Variants in HTR1E observed in about 807,000 individuals in gnomAD.
The protein encoded by HTR1E is 5-HT-1E.
HTR1E carries 3 observed loss-of-function variants against 3.4 expected under a neutral mutation model. The observed-to-expected ratio is 0.89, with a 90% CI of 0.41 to 2.31. The LOEUF (loss-of-function observed/expected upper bound fraction) is 2.31. Among genes scored for constraint, HTR1E ranks in the 30% most tolerant of loss-of-function variants. The pLI is 0.05. For missense variants in HTR1E, 392 were observed against 467.0 expected (o/e 0.84, Z 1.48); for synonymous variants, 170 against 182.8 (o/e 0.93, Z 0.56).
chr6:86,974,131 TA>T (rs749685870), intron 1 of HTR1E, among the ~76,000 whole-genome samples: 4 of 151,990 alleles, frequency 2.6e-5, no homozygotes, highest in Non-Finnish European at 4.4e-5. Context: ...TGTATGTATA[TA>T]TTTTTTTATT....
chr6:87,015,351 G>A lies in HTR1E; in HGVS notation c.17G>A (p.Cys6Tyr). Residue 6 changes from cysteine to tyrosine, a missense_variant, in exon 2 of 2, where the codon TGT becomes TAT. This residue lies in a region of HTR1E where 189 missense variants were observed against 258.0 expected (regional missense o/e 0.73). Coordinates refer to ENST00000305344, the MANE Select transcript of HTR1E (RefSeq NM_000865.3). ...AAGGGAAACATGAACATCACAAACT[G>A]TACCACAGAGGCCAGCATGGCTATA... is the stretch of plus-strand genomic sequence containing the variant. MNITN[C>Y]TTEASMAIRP... 1 of 1,570,034 alleles carries A rather than the reference G, an allele frequency of 6.4e-7. No homozygotes were observed. Among genetic ancestry groups the A allele is most frequent in the Non-Finnish European group, 8.7e-7 (1 of 1,153,886 alleles).
intron 1 of HTR1E, among the ~76,000 whole-genome samples, chr6:86,959,670 C>G (rs1297927194): frequency 1.3e-5 from 2 of 152,272 alleles, no homozygotes; most frequent in South Asian, 2.1e-4. Flanking sequence ...GTAGGTAACA[C>G]AGAGAGTATC....
intron 1 of HTR1E, among the ~76,000 whole-genome samples, chr6:86,993,974 A>C (rs1322781690): frequency 6.6e-6 from 1 of 152,194 alleles, no homozygotes; most frequent in East Asian, 1.9e-4. Context: ...TTACAATGGA[A>C]AAAAATACAA....
At chr6:87,013,728 T>C (rs1768273502) in intron 1 of HTR1E, among the ~76,000 whole-genome samples, 1 of 152,026 alleles carries the variant, frequency 6.6e-6, no homozygotes, top group Non-Finnish European at 1.5e-5. Flanking sequence ...AAGAAATTAA[T>C]TGGGGTGGCA....
chr6:87,011,792 GATTT>G (rs1435675503), intron 1 of HTR1E, among the ~76,000 whole-genome samples: 3 of 152,014 alleles, frequency 2.0e-5, no homozygotes, highest in African/African-American at 7.3e-5. Flanking sequence ...GCCCATAGGA[GATTT>G]ATTAATAAAA....
At chr6:87,009,094 G>A (rs1768161802) in intron 1 of HTR1E, among the ~76,000 whole-genome samples, 1 of 146,082 alleles carries the variant, frequency 6.8e-6, no homozygotes, top group Non-Finnish European at 1.5e-5. Context: ...GATAATTCTT[G>A]GGTGTTTCTC....
chr6:86,954,916 T>C (rs561613881), intron 1 of HTR1E, among the ~76,000 whole-genome samples: 35 of 152,262 alleles, frequency 2.3e-4, no homozygotes, highest in South Asian at 1.7e-3. Context: ...CAACCTCTAA[T>C]GAGAGAAATA....
At chr6:86,981,977 C>T (rs933577269) in intron 1 of HTR1E, among the ~76,000 whole-genome samples, 1 of 150,456 alleles carries the variant, frequency 6.6e-6, no homozygotes, top group African/African-American at 2.5e-5. Context: ...TTGATTTCTC[C>T]CTTGAGTGAT....
intron 1 of HTR1E, among the ~76,000 whole-genome samples, chr6:86,986,369 T>C (rs1442440105): frequency 1.3e-5 from 2 of 152,180 alleles, no homozygotes; most frequent in Non-Finnish European, 2.9e-5. Flanking sequence ...ATACTCATGG[T>C]GTTTGAAAGA....
chr6:86,949,349 G>T lies in HTR1E; in HGVS notation c.-186+11526G>T, dbSNP rs569770644. Among the ~76,000 whole-genome samples, 3 of 152,316 alleles carry T rather than the reference G, an allele frequency of 2.0e-5. No individual in the cohort carries two copies. The South Asian group carries it at 6.2e-4, about 32-fold the overall frequency. The stretch of plus-strand genomic sequence containing the variant: ...CTGGTATATTTTAATTACTACGTAA[G>T]TGTGTCCCTGCTGCTGCTGCTGCTG... On this transcript the variant is annotated intron_variant, in intron 1 of 1. Transcript: ENST00000305344.
chr6:86,976,484 G>C (rs1312473616), intron 1 of HTR1E, among the ~76,000 whole-genome samples: 1 of 152,176 alleles, frequency 6.6e-6, no homozygotes, highest in Non-Finnish European at 1.5e-5. Context: ...CCAAACTTCT[G>C]AATTTTTGTC....
intron 1 of HTR1E, among the ~76,000 whole-genome samples, chr6:86,977,234 G>A (rs1306628042): frequency 6.6e-6 from 1 of 152,034 alleles, no homozygotes; most frequent in African/African-American, 2.4e-5. Flanking sequence ...TCCCACGTTT[G>A]TGTCCGTGGG....
At chr6:86,971,201 C>T (rs1425996058) in intron 1 of HTR1E, 7 of 385,138 alleles carry the variant, frequency 1.8e-5, no homozygotes, top group African/African-American at 1.3e-4. Context: ...AAGGTGTCTA[C>T]CATGATTATT....
intron 1 of HTR1E, among the ~76,000 whole-genome samples, chr6:86,977,479 T>C (rs1457095608): frequency 2.6e-5 from 4 of 152,218 alleles, no homozygotes. Context: ...TTGTGAATAG[T>C]GAGGAAATGA....
intron 1 of HTR1E, among the ~76,000 whole-genome samples, chr6:86,960,140 G>T (rs553406386): frequency 9.9e-5 from 15 of 152,174 alleles, no homozygotes; most frequent in Non-Finnish European, 2.9e-5. Flanking sequence ...ATAAAGAATA[G>T]AAATGTATGT....
At chr6:87,004,439 C>T (rs1393512823) in intron 1 of HTR1E, among the ~76,000 whole-genome samples, 1 of 152,152 alleles carries the variant, frequency 6.6e-6, no homozygotes, top group Non-Finnish European at 1.5e-5. Flanking sequence ...AATGGCTCAA[C>T]ATTATGCAAA....
intron 1 of HTR1E, among the ~76,000 whole-genome samples, chr6:86,990,973 A>C (rs1299342041): frequency 6.6e-6 from 1 of 152,150 alleles, no homozygotes; most frequent in African/African-American, 2.4e-5. Flanking sequence ...ATGACAGTTA[A>C]CACCACCAGT....
At chr6:86,990,129 T>C (rs137904139) in intron 1 of HTR1E, among the ~76,000 whole-genome samples, 6 of 152,330 alleles carry the variant, frequency 3.9e-5, no homozygotes, top group Non-Finnish European at 8.8e-5. Flanking sequence ...GGCAAATGTG[T>C]GCACAGCACA....
At chr6:86,997,770 T>A (rs1348662508) in intron 1 of HTR1E, among the ~76,000 whole-genome samples, 1 of 151,664 alleles carries the variant, frequency 6.6e-6, no homozygotes, top group African/African-American at 2.4e-5. Context: ...TAAGTGTAAA[T>A]AATGTAAACA....
Sources: allele counts gnomAD v4.1 joint callset (sites outside exome capture counted in the v4.1 genomes callset), GRCh38; gene constraint gnomAD v4.1.1; regional missense constraint gnomAD v4.1.1; transcripts MANE v1.5; gene names NCBI Gene and HGNC (gene_info 2026-07-23, HGNC 2026-07-21).